Variants in MTSS1 observed in about 807,000 individuals in gnomAD.
MTSS1 encodes protein MTSS 1.
Under a neutral mutation model 79.0 loss-of-function variants are expected in MTSS1, and 18 were observed. The ratio of observed to expected loss-of-function variants is 0.23; its 90% CI spans 0.16 to 0.34. MTSS1 has a LOEUF of 0.34. Among genes scored for constraint, MTSS1 ranks in the 10% least tolerant of loss-of-function variants. The pLI, the probability that MTSS1 is intolerant of heterozygous loss-of-function variation, is 1.00. For missense variants in MTSS1, 815 were observed against 986.2 expected (o/e 0.83, Z 2.33); for synonymous variants, 341 against 368.6 (o/e 0.93, Z 0.86).
At chr8:124,673,889 C>T (rs934998459) in intron 3 of MTSS1, among the ~76,000 whole-genome samples, 1 of 151,698 alleles carries the variant, frequency 6.6e-6, no homozygotes, top group Non-Finnish European at 1.5e-5. Flanking sequence ...CGAGCCTTTG[C>T]AGCTTTGTCA....
rs114473097 is a variant in MTSS1 at position 124,552,132 on chromosome 8, G to A, written c.*860C>T. 2 of 152,732 alleles carry A rather than the reference G, an allele frequency of 1.3e-5. No individual in the cohort carries two copies. The highest frequency in any genetic ancestry group is 2.1e-4 in the South Asian group (1 of 4,826). 9.5% of individuals were successfully genotyped at this position (152,732 alleles called of 1,614,324 possible). A position where few individuals can be genotyped will look rare whatever the true frequency, so the allele number is the denominator to read the frequency against. On this transcript the variant is annotated 3_prime_UTR_variant, in exon 14 of 14. Coordinates refer to ENST00000518547, the MANE Select transcript of MTSS1 (RefSeq NM_014751.6). ...TTCCATAAAGGTGAGTACAATCAAC[G>A]AGAAACTGAAGTGGGAGATTCTACG... is the stretch of plus-strand genomic sequence containing the variant.
intron 3 of MTSS1, among the ~76,000 whole-genome samples, chr8:124,611,489 G>A (rs1835814291): frequency 6.6e-6 from 1 of 151,960 alleles, no homozygotes; most frequent in South Asian, 2.1e-4. Flanking sequence ...ACCAAGACAG[G>A]TGCCTGGGAT....
chr8:124,720,051 T>C (rs567643344), intron 1 of MTSS1, among the ~76,000 whole-genome samples: 28 of 152,220 alleles, frequency 1.8e-4, no homozygotes, highest in African/African-American at 6.3e-4. Flanking sequence ...TCACAAAGAA[T>C]GTGAAAAATG....
Position 124,567,137 on chromosome 8 carries a change from C to G in MTSS1, c.660G>C (p.Gln220His). The G allele has an allele frequency of 6.2e-7, 1 of 1,614,172 alleles. No individual in the cohort carries two copies. The highest frequency in any genetic ancestry group is 8.5e-7 in the Non-Finnish European group (1 of 1,179,998). Residue 220 changes from glutamine to histidine, a missense_variant, in exon 8 of 14, where the codon CAG becomes CAC. Coordinates refer to ENST00000518547, the MANE Select transcript of MTSS1 (RefSeq NM_014751.6). ...GGCTTTTTAGATCTTCCGAGATGGTCTGAAGGTGGGTTATTTCCCCTAGCA... is the reference window on the plus strand; with the variant it reads ...GGCTTTTTAGATCTTCCGAGATGGTGTGAAGGTGGGTTATTTCCCCTAGCA... Reference protein sequence around the residue: ...ISMLGEITHLQTISEDLKSLT... With the variant: ...ISMLGEITHLHTISEDLKSLT...
chr8:124,628,427 T>C (rs1442498079), intron 3 of MTSS1, among the ~76,000 whole-genome samples: 1 of 152,102 alleles, frequency 6.6e-6, no homozygotes. Context: ...AGCAGGATGC[T>C]TGCCCAGCCC....
chr8:124,571,543 A>T (rs886967629), intron 6 of MTSS1, among the ~76,000 whole-genome samples: 2 of 152,134 alleles, frequency 1.3e-5, no homozygotes, highest in African/African-American at 4.8e-5. Flanking sequence ...AGGGCTGCAG[A>T]CCACCTCAGA....
chr8:124,681,714 G>A (rs1189240663), intron 3 of MTSS1, among the ~76,000 whole-genome samples: 1 of 152,090 alleles, frequency 6.6e-6, no homozygotes. Flanking sequence ...CTTGAACCTG[G>A]GAGGCAGAGG....
intron 3 of MTSS1, among the ~76,000 whole-genome samples, chr8:124,628,662 T>C (rs887323520): frequency 6.9e-6 from 1 of 145,906 alleles, no homozygotes; most frequent in Non-Finnish European, 1.5e-5. Context: ...TAACATCTAA[T>C]TATAGGCATT....
intron 2 of MTSS1, 60 bp downstream of exon 2, chr8:124,704,070 C>T (rs1830074664): frequency 6.7e-7 from 1 of 1,501,876 alleles, no homozygotes. Context: ...TTGGTCTGTC[C>T]CACTCCATCC....
intron 3 of MTSS1, among the ~76,000 whole-genome samples, chr8:124,650,768 G>A (rs1201089328): frequency 2.6e-5 from 4 of 152,114 alleles, no homozygotes; most frequent in Non-Finnish European, 4.4e-5. Context: ...AGCAAGGATC[G>A]GAGCTATCTG....
intron 3 of MTSS1, among the ~76,000 whole-genome samples, chr8:124,608,724 C>T (rs1351876521): frequency 1.3e-5 from 2 of 152,160 alleles, no homozygotes; most frequent in Admixed American, 1.3e-4. Flanking sequence ...TGGGCTAATT[C>T]TGATCAGGTG....
chr8:124,558,259 A>C (rs1824452228), intron 10 of MTSS1, among the ~76,000 whole-genome samples: 1 of 151,302 alleles, frequency 6.6e-6, no homozygotes, highest in East Asian at 2.0e-4. Context: ...TCTTCAAATG[A>C]ATCTGTTCAT....
At chr8:124,594,781 G>A (rs1832471692) in intron 3 of MTSS1, among the ~76,000 whole-genome samples, 1 of 152,142 alleles carries the variant, frequency 6.6e-6, no homozygotes, top group South Asian at 2.1e-4. Context: ...TGCTGATCTC[G>A]GCAACATGGG....
intron 3 of MTSS1, among the ~76,000 whole-genome samples, chr8:124,643,637 G>C (rs983119427): frequency 8.3e-4 from 120 of 145,226 alleles, no homozygotes; most frequent in Middle Eastern, 3.7e-3. Context: ...GGCAGAGGCT[G>C]TGGTGAGCCA....
At chr8:124,565,164 C>T (rs80070255) in intron 9 of MTSS1, among the ~76,000 whole-genome samples, 12,047 of 152,138 alleles carry the variant, frequency 0.079, 652 homozygotes, top group Non-Finnish European at 0.11. Flanking sequence ...CAGGTGTGGT[C>T]GTGGTAGTGG....
At chr8:124,714,497 G>A (rs1186908680) in intron 1 of MTSS1, among the ~76,000 whole-genome samples, 2 of 151,780 alleles carry the variant, frequency 1.3e-5, no homozygotes, top group South Asian at 2.1e-4. Flanking sequence ...GAGTCTTGCC[G>A]TGTTGCCCAG....
At chr8:124,724,863 T>G (rs549594831) in intron 1 of MTSS1, among the ~76,000 whole-genome samples, 1 of 152,294 alleles carries the variant, frequency 6.6e-6, no homozygotes, top group East Asian at 1.9e-4. Flanking sequence ...TCAACATCAC[T>G]TCCAGACTAC....
chr8:124,686,227 G>A (rs985054127), intron 3 of MTSS1, among the ~76,000 whole-genome samples: 2 of 152,094 alleles, frequency 1.3e-5, no homozygotes, highest in African/African-American at 4.8e-5. Flanking sequence ...ATCCAGCTCC[G>A]CCTCCCTGAG....
chr8:124,711,560 C>T (rs1444623898), intron 1 of MTSS1, among the ~76,000 whole-genome samples: 5 of 152,128 alleles, frequency 3.3e-5, no homozygotes, highest in Admixed American at 6.5e-5. Flanking sequence ...GGTTGGGTCG[C>T]GCTTTACATG....
Sources: allele counts gnomAD v4.1 joint callset (sites outside exome capture counted in the v4.1 genomes callset), GRCh38; gene constraint gnomAD v4.1.1; transcripts MANE v1.5; gene names NCBI Gene and HGNC (gene_info 2026-07-23, HGNC 2026-07-21).